Variants in PSMA6 observed in about 807,000 individuals in gnomAD.
PSMA6 encodes proteasome subunit alpha type-6.
For synonymous variants in PSMA6, 88 were observed against 97.7 expected (o/e 0.90, Z 0.59); for missense variants, 170 against 294.8 (o/e 0.58, Z 3.10).
At chr14:35,291,343 A>C (rs199781861), upstream of PSMA6, among the ~76,000 whole-genome samples, 1 of 149,018 alleles carries the variant, frequency 6.7e-6, no homozygotes, top group African/African-American at 2.5e-5. Context: ...TCAGCCTCCC[A>C]AGTATATGGG....
At chr14:35,312,333 C>T (rs1054014508) in intron 4 of PSMA6, among the ~76,000 whole-genome samples, 5 of 151,886 alleles carry the variant, frequency 3.3e-5, no homozygotes, top group African/African-American at 7.2e-5. Flanking sequence ...CGGCGAAACC[C>T]GGTCTCTACT....
upstream of PSMA6, among the ~76,000 whole-genome samples, chr14:35,289,908 C>T (rs867991714): frequency 4.7e-4 from 51 of 109,250 alleles, no homozygotes; most frequent in South Asian, 9.6e-4. Flanking sequence ...AGAGCAATAC[C>T]GCATTTCAAA....
chr14:35,308,120 G>T, intron 2 of PSMA6, 32 bp downstream of exon 2: 1 of 1,609,106 alleles, frequency 6.2e-7, no homozygotes, highest in South Asian at 1.1e-5. Context: ...GTTAATAATT[G>T]CAGAATATAA....
At chr14:35,280,374 C>CTTTT (rs547704339) in intron 1 of PSMA6, among the ~76,000 whole-genome samples, 16 of 140,538 alleles carry the variant, frequency 1.1e-4, no homozygotes, top group Middle Eastern at 3.5e-3. Flanking sequence ...CTCATTGTTT[C>CTTTT]TTTTTTTTTT....
chr14:35,315,879 TC>T (rs1276445721), intron 6 of PSMA6: 5 of 152,172 alleles, frequency 3.3e-5, no homozygotes, highest in African/African-American at 1.2e-4. Context: ...AAACTTTGTA[TC>T]ATTTATAAAT....
intron 3 of PSMA6, chr14:35,310,112 ACCC>A: frequency 2.6e-6 from 1 of 388,992 alleles, no homozygotes; most frequent in Non-Finnish European, 5.0e-6. Context: ...CCAGTCCAAG[ACCC>A]CATCTCTAAA....
At chr14:35,291,529 A>C (rs1044549005), upstream of PSMA6, among the ~76,000 whole-genome samples, 23 of 151,594 alleles carry the variant, frequency 1.5e-4, no homozygotes, top group African/African-American at 5.6e-4. Context: ...CTCCGCTTTC[A>C]AGACTAAAAA....
chr14:35,300,318 A>G (rs2051686985), intron 1 of PSMA6, among the ~76,000 whole-genome samples: 1 of 152,098 alleles, frequency 6.6e-6, no homozygotes, highest in South Asian at 2.1e-4. Flanking sequence ...AATATATAAA[A>G]TGAAATTAGC....
intron 1 of PSMA6, among the ~76,000 whole-genome samples, chr14:35,285,889 C>A (rs1308133345): frequency 1.3e-5 from 2 of 152,218 alleles, no homozygotes; most frequent in Non-Finnish European, 2.9e-5. Flanking sequence ...TAGCTGCTTT[C>A]CAAATTAAGA....
At chr14:35,312,410 G>A (rs1307582127) in intron 4 of PSMA6, among the ~76,000 whole-genome samples, 14 of 150,988 alleles carry the variant, frequency 9.3e-5, no homozygotes, top group African/African-American at 3.4e-4. Flanking sequence ...GGGAGGCTGA[G>A]GCAGGAGAAT....
At chr14:35,295,686 A>C (rs2051572804) in intron 1 of PSMA6, among the ~76,000 whole-genome samples, 1 of 152,170 alleles carries the variant, frequency 6.6e-6, no homozygotes, top group South Asian at 2.1e-4. Context: ...TCCTGACTTC[A>C]GGTGATCCAC....
At chr14:35,308,114 A>G (rs1255316504) in intron 2 of PSMA6, 26 bp downstream of exon 2, 2 of 1,610,910 alleles carry the variant, frequency 1.2e-6, no homozygotes, top group African/African-American at 1.3e-5. Context: ...CAAATAGTTA[A>G]TAATTGCAGA....
chr14:35,307,554 C>G (rs372757460), intron 1 of PSMA6, among the ~76,000 whole-genome samples: 1 of 151,946 alleles, frequency 6.6e-6, no homozygotes, highest in Non-Finnish European at 1.5e-5. Flanking sequence ...GCCAACACAG[C>G]GAAACCCCGT....
chr14:35,292,954 A>G (rs1208140778), intron 1 of PSMA6: 2 of 463,578 alleles, frequency 4.3e-6, no homozygotes, highest in Non-Finnish European at 8.6e-6. Flanking sequence ...TGTTTGCAGC[A>G]TGGACTTCTG....
chr14:35,284,754 T>C (rs898850161), intron 1 of PSMA6, among the ~76,000 whole-genome samples: 3 of 152,176 alleles, frequency 2.0e-5, no homozygotes, highest in Non-Finnish European at 4.4e-5. Flanking sequence ...TCACTGATCC[T>C]CAAAAAAACA....
chr14:35,292,628 C>A, intron 1 of PSMA6, 76 bp downstream of exon 1: 1 of 1,571,890 alleles, frequency 6.4e-7, no homozygotes. Context: ...GCAGACGCGG[C>A]CCGGGTTTAG....
chr14:35,311,497 T>C (rs1677246897), intron 4 of PSMA6, among the ~76,000 whole-genome samples: 2 of 152,332 alleles, frequency 1.3e-5, no homozygotes, highest in South Asian at 4.1e-4. Flanking sequence ...TCTGACCCTC[T>C]TGACTTCTCA....
Position 35,292,420 on chromosome 14 carries a change from C to A in PSMA6, c.-57C>A. 1 of 1,577,364 alleles carries A rather than the reference C, an allele frequency of 6.3e-7. No homozygotes were observed. Among genetic ancestry groups the A allele is most frequent in the Non-Finnish European group, 8.6e-7 (1 of 1,162,618 alleles). On this transcript the variant is annotated 5_prime_UTR_variant, in exon 1 of 7. Transcript: ENST00000261479. ...GCAACTTCCGGGAGGTGCTTGTGTG[C>A]CTGGTGCGGGAGCTACGGGGCCCAG...
intron 1 of PSMA6, among the ~76,000 whole-genome samples, chr14:35,305,275 T>C (rs115438676): frequency 0.04 from 6,110 of 152,018 alleles, 388 homozygotes; most frequent in African/African-American, 0.13. Context: ...CCCAAGGAAC[T>C]GGGACCACAG....
Sources: allele counts gnomAD v4.1 joint callset (sites outside exome capture counted in the v4.1 genomes callset), GRCh38; gene constraint gnomAD v4.1.1; transcripts MANE v1.5; gene names NCBI Gene and HGNC (gene_info 2026-07-23, HGNC 2026-07-21).